Variants in DLEC1 observed in about 807,000 individuals in gnomAD.
The protein encoded by DLEC1 is deleted in lung and esophageal cancer protein 1.
Under a neutral mutation model 198.1 loss-of-function variants are expected in DLEC1, and 146 were observed. That is an observed-to-expected ratio of 0.74 (90% confidence interval 0.64 to 0.85). The LOEUF is 0.85. Among genes scored for constraint, DLEC1 ranks in the 40% least tolerant of loss-of-function variants. The pLI is 0.00. For missense variants in DLEC1, 2,233 were observed against 2,220.0 expected, an observed-to-expected ratio of 1.01 and a Z score of -0.12; for synonymous variants, 897 against 866.8, an observed-to-expected ratio of 1.03 and a Z score of -0.61.
At chr3:38,056,960 T>C (rs545213665) in intron 2 of DLEC1, among the ~76,000 whole-genome samples, 1 of 152,336 alleles carries the variant, frequency 6.6e-6, no homozygotes, top group East Asian at 1.9e-4. Context: ...AGAATGATGA[T>C]GATGATGTCA....
intron 20 of DLEC1, among the ~76,000 whole-genome samples, chr3:38,108,100 A>G (rs908276348): frequency 1.3e-5 from 2 of 152,320 alleles, no homozygotes; most frequent in South Asian, 4.1e-4. Context: ...CATGGGACAT[A>G]AGGCCACATC....
chr3:38,114,098 C>G (rs1247523813), intron 25 of DLEC1, among the ~76,000 whole-genome samples: 1 of 143,452 alleles, frequency 7.0e-6, no homozygotes, highest in Non-Finnish European at 1.5e-5. Flanking sequence ...CATAGTAAGA[C>G]CCTGTGTCTA....
At chr3:38,118,161 C>A in intron 33 of DLEC1, 137 bp downstream of exon 33, 2 of 970,502 alleles carry the variant, frequency 2.1e-6, no homozygotes, top group Non-Finnish European at 3.0e-6. Flanking sequence ...CCTGCATGAA[C>A]ACTCGGGGGT....
intron 25 of DLEC1, 110 bp from the exon 26 acceptor site, chr3:38,114,232 G>C (rs1178132295): frequency 8.5e-5 from 79 of 925,796 alleles, no homozygotes; most frequent in Non-Finnish European, 1.3e-4. Context: ...AGTGAGGCTG[G>C]GACCAAACTG....
At chr3:38,121,145 G>A (rs961048372) in intron 34 of DLEC1, among the ~76,000 whole-genome samples, 1 of 152,216 alleles carries the variant, frequency 6.6e-6, no homozygotes, top group Non-Finnish European at 1.5e-5. Flanking sequence ...GAGCCGAGGC[G>A]CTCTAGCCTG....
chr3:38,117,367 T>G (rs1008469777), intron 31 of DLEC1, 65 bp downstream of exon 31: 9 of 1,604,380 alleles, frequency 5.6e-6, no homozygotes, highest in Non-Finnish European at 7.7e-6. Context: ...CAGGCACTGG[T>G]GGAGCCAGGC....
At chr3:38,077,848 G>A (rs1168239941) in intron 6 of DLEC1, among the ~76,000 whole-genome samples, 1 of 152,222 alleles carries the variant, frequency 6.6e-6, no homozygotes, top group East Asian at 1.9e-4. Flanking sequence ...GAGGGGGCCT[G>A]AATAATCCCT....
intron 27 of DLEC1, 134 bp downstream of exon 27, chr3:38,115,187 CG>C: frequency 2.2e-6 from 2 of 907,636 alleles, no homozygotes; most frequent in Non-Finnish European, 1.7e-6. Flanking sequence ...CCTGTGGTTA[CG>C]GAAGTGTGGA....
Position 38,122,730 on chromosome 3 carries a change from T to C in DLEC1, c.*318T>C. On this transcript the variant is annotated 3_prime_UTR_variant, in exon 37 of 37. Transcript: ENST00000308059. ...GCCACTAAGATAAATTCATGCACTT[T>C]TACTATGCCCATTGCACTTCTCATC... 1 of 1,335,008 alleles carries C rather than the reference T, an allele frequency of 7.5e-7. No homozygotes were observed. Among genetic ancestry groups the C allele is most frequent in the Non-Finnish European group, 9.8e-7 (1 of 1,018,106 alleles). The allele number at this position is 1,335,008 out of a possible 1,614,324, so 82.7% of individuals were successfully genotyped here.
In DLEC1 at chr3:38,039,227, TG is replaced by T. The variant is rs1160554039; in HGVS notation, c.4del (p.Glu2?). 6 of 1,597,324 alleles carry T rather than the reference TG, an allele frequency of 3.8e-6. No individual in the cohort carries two copies. The highest frequency in any genetic ancestry group is 4.3e-6 in the Non-Finnish European group (5 of 1,169,844). METRSSKTRRS... is the reference protein window; with the variant it reads XETRSSKTRRS... ...GGAGTTAGCGGCGTCTCGGTTGCCA[TG>T]GAGACCAGGAGCTCCAAAACGCGGA... On this transcript the variant is annotated frameshift_variant and start_lost, in exon 1 of 37. Coordinates refer to ENST00000308059, the MANE Select transcript of DLEC1 (RefSeq NM_007335.4). LOFTEE classifies it high-confidence loss of function.
chr3:38,104,845 G>A (rs1218413665), intron 19 of DLEC1, among the ~76,000 whole-genome samples: 1 of 151,964 alleles, frequency 6.6e-6, no homozygotes, highest in African/African-American at 2.4e-5. Flanking sequence ...TTTGGGTTTA[G>A]TTTGCTCTTC....
chr3:38,052,557 G>A (rs1018137458), intron 2 of DLEC1, among the ~76,000 whole-genome samples: 3 of 152,192 alleles, frequency 2.0e-5, no homozygotes, highest in African/African-American at 4.8e-5. Context: ...AGCAGGAACC[G>A]CTGCCTCCTG....
At chr3:38,056,121 A>G (rs901229629) in intron 2 of DLEC1, among the ~76,000 whole-genome samples, 3 of 145,830 alleles carry the variant, frequency 2.1e-5, no homozygotes, top group Non-Finnish European at 4.5e-5. Context: ...ACACACAAAT[A>G]GCTGAGTGTG....
At chr3:38,101,796 T>C (rs13325889) in intron 19 of DLEC1, among the ~76,000 whole-genome samples, 2,151 of 152,322 alleles carry the variant, frequency 0.014, 43 homozygotes, top group African/African-American at 0.049. Context: ...AGTCTTTGCA[T>C]TGGTCCTTCA....
intron 1 of DLEC1, among the ~76,000 whole-genome samples, chr3:38,042,552 CTTTTTTTTTTT>C (rs71635860): frequency 9.5e-6 from 1 of 104,762 alleles, no homozygotes; most frequent in Non-Finnish European, 1.8e-5. Context: ...ATGTTGCTGG[CTTTTTTTTTTT>C]TTTTTTTTTT....
chr3:38,051,185 G>A (rs1701099566), intron 2 of DLEC1, among the ~76,000 whole-genome samples: 1 of 152,234 alleles, frequency 6.6e-6, no homozygotes, highest in Non-Finnish European at 1.5e-5. Flanking sequence ...ACAGGCGTGA[G>A]CTACCTCACC....
intron 10 of DLEC1, 45 bp from the exon 11 acceptor site, chr3:38,092,745 A>C: frequency 1.3e-6 from 2 of 1,568,158 alleles, no homozygotes; most frequent in Non-Finnish European, 1.8e-6. Context: ...GGGAGGGTGG[A>C]AGCCCTTTAA....
intron 13 of DLEC1, chr3:38,095,591 C>A: frequency 2.4e-6 from 1 of 417,046 alleles, no homozygotes; most frequent in Non-Finnish European, 4.4e-6. Flanking sequence ...CGTTGTCTAT[C>A]CTGGGAGGGT....
In DLEC1 at chr3:38,095,882, T is replaced by C. The variant is rs1421213576; in HGVS notation, c.2113-6T>C. 2 of 1,613,744 alleles carry C rather than the reference T, an allele frequency of 1.2e-6. No individual in the cohort carries two copies. Among genetic ancestry groups the C allele is most frequent in the African/African-American group, 2.7e-5 (2 of 74,906 alleles). Reference sequence around the variant, plus strand: ...GTGTTTTCAGGGCACTGTGTTTGCCTTGCAGCTGAGGGATTTTCACAGTGT... The same window carrying C: ...GTGTTTTCAGGGCACTGTGTTTGCCCTGCAGCTGAGGGATTTTCACAGTGT... On this transcript the variant is annotated splice_polypyrimidine_tract_variant and splice_region_variant and intron_variant, in intron 13 of 36. Coordinates refer to ENST00000308059, the MANE Select transcript of DLEC1 (RefSeq NM_007335.4).
Sources: gnomAD v4.1 joint callset for allele counts (sites outside exome capture counted in the v4.1 genomes callset) on GRCh38, gnomAD v4.1.1 for gene constraint, MANE v1.5 for transcripts, NCBI Gene and HGNC (gene_info 2026-07-23, HGNC 2026-07-21) for gene names.